Variants in SYCP1 observed in about 807,000 individuals in gnomAD.
SYCP1 encodes cancer/testis antigen 8.
SYCP1 carries 64 observed loss-of-function variants against 153.1 expected under a neutral mutation model. That is an observed-to-expected ratio of 0.42 (90% confidence interval 0.34 to 0.51). The LOEUF (loss-of-function observed/expected upper bound fraction) is 0.51. Among genes scored for constraint, SYCP1 ranks in the 20% least tolerant of loss-of-function variants. The pLI, the probability that SYCP1 is intolerant of heterozygous loss-of-function variation, is 0.06. For synonymous variants in SYCP1, 384 were observed against 341.8 expected (o/e 1.12, Z -1.36); for missense variants, 997 against 1,049.0 (o/e 0.95, Z 0.68).
At chr1:114,954,036 C>G (rs965472181) in intron 27 of SYCP1, among the ~76,000 whole-genome samples, 2 of 150,980 alleles carry the variant, frequency 1.3e-5, no homozygotes, top group African/African-American at 4.9e-5. Context: ...TCCTTTCATG[C>G]AATTGAAAAA....
intron 28 of SYCP1, among the ~76,000 whole-genome samples, chr1:114,979,703 C>T (rs1221884932): frequency 6.6e-6 from 1 of 151,738 alleles, no homozygotes; most frequent in Non-Finnish European, 1.5e-5. Flanking sequence ...AAAATTCATA[C>T]TTGCTAGAAA....
intron 16 of SYCP1, among the ~76,000 whole-genome samples, chr1:114,896,433 G>A (rs1375153342): frequency 2.0e-5 from 3 of 152,096 alleles, no homozygotes; most frequent in African/African-American, 4.8e-5. Flanking sequence ...GATACTCTAG[G>A]CTAGGTTTAG....
chr1:114,876,175 G>A, intron 10 of SYCP1, 37 bp downstream of exon 10: 1 of 1,383,464 alleles, frequency 7.2e-7, no homozygotes. Flanking sequence ...TTATATTACT[G>A]TTTTGCTATT....
At chr1:114,991,088 T>A (rs1048131956) in intron 30 of SYCP1, among the ~76,000 whole-genome samples, 5 of 151,904 alleles carry the variant, frequency 3.3e-5, no homozygotes, top group Admixed American at 1.3e-4. Context: ...GTTTAGCAGA[T>A]CATCTGGCAC....
chr1:114,881,027 T>C (rs1425938644), intron 12 of SYCP1, among the ~76,000 whole-genome samples: 1 of 150,292 alleles, frequency 6.7e-6, no homozygotes, highest in African/African-American at 2.5e-5. Flanking sequence ...TTATTTCTTA[T>C]GGCTGAACAG....
At chr1:114,861,322 A>C (rs571806785) in intron 8 of SYCP1, among the ~76,000 whole-genome samples, 12 of 152,106 alleles carry the variant, frequency 7.9e-5, no homozygotes, top group South Asian at 2.1e-4. Flanking sequence ...GCATGTTTTC[A>C]TTTTTTTAAA....
At chr1:114,881,890 A>G (rs1412461903) in intron 12 of SYCP1, among the ~76,000 whole-genome samples, 2 of 152,172 alleles carry the variant, frequency 1.3e-5, no homozygotes, top group African/African-American at 4.8e-5. Flanking sequence ...TAGCATTTAC[A>G]GTATAATATG....
At chr1:114,970,927 G>A (rs1250075617) in intron 27 of SYCP1, among the ~76,000 whole-genome samples, 1 of 152,216 alleles carries the variant, frequency 6.6e-6, no homozygotes, top group Admixed American at 6.5e-5. Context: ...AACAAGTTCA[G>A]GACCTCTGGT....
intron 26 of SYCP1, among the ~76,000 whole-genome samples, chr1:114,946,651 G>A (rs1670727179): frequency 6.6e-6 from 1 of 151,974 alleles, no homozygotes; most frequent in African/African-American, 2.4e-5. Context: ...AGGAGGGTGG[G>A]ATAAACTGGG....
intron 7 of SYCP1, 57 bp downstream of exon 7, chr1:114,859,867 C>A: frequency 1.9e-6 from 1 of 530,870 alleles, no homozygotes. Flanking sequence ...AAATTTACTA[C>A]TAAAATAATT....
chr1:114,972,394 C>T (rs1672551940), intron 27 of SYCP1, among the ~76,000 whole-genome samples: 1 of 151,710 alleles, frequency 6.6e-6, no homozygotes, highest in Non-Finnish European at 1.5e-5. Flanking sequence ...TCTTTTGTAT[C>T]ATTTTCTTCA....
intron 16 of SYCP1, among the ~76,000 whole-genome samples, chr1:114,900,336 G>A (rs577110789): frequency 1.3e-5 from 2 of 151,742 alleles, no homozygotes; most frequent in South Asian, 2.1e-4. Context: ...GCTGGAGTGC[G>A]GTGGCGTGAT....
chr1:114,970,336 C>T (rs1264616702), intron 27 of SYCP1, among the ~76,000 whole-genome samples: 1 of 151,138 alleles, frequency 6.6e-6, no homozygotes, highest in African/African-American at 2.4e-5. Context: ...TTTTAAGTTT[C>T]TTTAAGTTTG....
At chr1:114,914,284 T>C (rs1668372681) in intron 20 of SYCP1, among the ~76,000 whole-genome samples, 1 of 151,928 alleles carries the variant, frequency 6.6e-6, no homozygotes, top group African/African-American at 2.4e-5. Context: ...ATAAACCTTC[T>C]AATTCTTTAA....
At chr1:114,963,873 C>T (rs2101891747) in intron 27 of SYCP1, among the ~76,000 whole-genome samples, 1 of 152,198 alleles carries the variant, frequency 6.6e-6, no homozygotes, top group South Asian at 2.1e-4. Context: ...ATTTATAATC[C>T]TTTGGGTATA....
chr1:114,897,193 T>C (rs1667132564), intron 16 of SYCP1, among the ~76,000 whole-genome samples: 1 of 152,188 alleles, frequency 6.6e-6, no homozygotes, highest in South Asian at 2.1e-4. Context: ...CAATCTTAAT[T>C]GCTTCCTGCT....
intron 30 of SYCP1, among the ~76,000 whole-genome samples, chr1:114,990,492 A>G (rs1673848163): frequency 6.6e-6 from 1 of 151,950 alleles, no homozygotes; most frequent in South Asian, 2.1e-4. Context: ...AAAGATTAGA[A>G]CAGAGCTAAG....
chr1:114,981,030 T>C (rs917825818), intron 28 of SYCP1, among the ~76,000 whole-genome samples: 3 of 151,910 alleles, frequency 2.0e-5, no homozygotes, highest in African/African-American at 7.3e-5. Context: ...TGAGTCCATG[T>C]GGTATTTGGC....
chr1:114,902,994 G>C (rs1293789223), intron 16 of SYCP1, among the ~76,000 whole-genome samples: 1 of 151,980 alleles, frequency 6.6e-6, no homozygotes, highest in African/African-American at 2.4e-5. Flanking sequence ...GGCCTAGACA[G>C]TATGGCAAAA....
Sources: allele counts gnomAD v4.1 joint callset (sites outside exome capture counted in the v4.1 genomes callset), GRCh38; gene constraint gnomAD v4.1.1; transcripts MANE v1.5; gene names NCBI Gene and HGNC (gene_info 2026-07-23, HGNC 2026-07-21).